The following RPP14 variants were observed in gnomAD, a reference collection of about 807,000 sequenced individuals.
RPP14 encodes the protein ribonuclease P/MRP subunit p14.
RPP14 carries 19 observed loss-of-function variants against 17.8 expected under a neutral mutation model. The ratio of observed to expected loss-of-function variants is 1.07; its 90% CI spans 0.74 to 1.57. The LOEUF is 1.57. Among genes scored for constraint, RPP14 ranks in the 40% most tolerant of loss-of-function variants. RPP14 has a pLI of 0.00. For synonymous variants in RPP14, 60 were observed against 56.4 expected (o/e 1.06, Z -0.29); for missense variants, 125 against 140.8 (o/e 0.89, Z 0.57).
chr3:58,316,673 A>G (rs2107509316), intron 4 of RPP14, 82 bp downstream of exon 4: 2 of 1,301,304 alleles, frequency 1.5e-6, no homozygotes, highest in Non-Finnish European at 2.2e-6. Context: ...GAGAATGAGA[A>G]TAAATTTTTT....
Position 58,317,942 on chromosome 3 carries a change from A to G in RPP14, c.*446A>G, listed in dbSNP as rs967724589. 1.4e-6 allele frequency: 1 copy of G among 702,874 alleles called. No homozygotes were observed. The highest frequency in any genetic ancestry group is 2.0e-5 in the Admixed American group (1 of 49,968). 43.5% of individuals were successfully genotyped at this position (702,874 alleles called of 1,614,324 possible). The stretch of plus-strand genomic sequence containing the variant: ...GGGCCAGGCTGTGTATTTCTTTCCC[A>G]GGAAATTAGCTTTCCAGCCCCTTTA... On this transcript the variant is annotated 3_prime_UTR_variant, in exon 6 of 6. Transcript: ENST00000295959.
chr3:58,314,675 A>ATTTTTTTTTTTTTTTTTTTTTT (rs751757663), intron 3 of RPP14, among the ~76,000 whole-genome samples: 17 of 90,562 alleles, frequency 1.9e-4, no homozygotes, highest in Non-Finnish European at 2.1e-4. Flanking sequence ...GTTTGGCAGT[A>ATTTTTTTTTTTTTTTTTTTTTT]TTTTTTTTTT....
chr3:58,308,000 C>T (rs992510137), intron 1 of RPP14: 6 of 151,990 alleles, frequency 3.9e-5, no homozygotes, highest in Admixed American at 2.6e-4. Flanking sequence ...GTTTTACTGG[C>T]ATCTAAGCCC....
rs776531313 is a variant in RPP14, at chr3:58,310,589, G to A, written c.160G>A (p.Glu54Lys). The change falls in exon 3 of 6, where the codon GAG becomes AAG. Residue 54 changes from glutamate to lysine, a missense_variant and splice_region_variant. Coordinates refer to ENST00000295959, the MANE Select transcript of RPP14 (RefSeq NM_007042.6). ...LISAVKDLFG[E>K]VDAALPLDIL... is the part of the protein sequence containing the mutation. ...TTCGGCTGTGAAGGACCTGTTTGGG[G>A]AGGTATGGAATCACTTGGTAGATTG... 66 of 1,611,152 alleles carry A rather than the reference G, an allele frequency of 4.1e-5. No individual in the cohort carries two copies. Among genetic ancestry groups the A allele is most frequent in the Non-Finnish European group, 4.8e-5 (57 of 1,178,784 alleles).
chr3:58,313,087 C>T (rs903776334), intron 3 of RPP14, among the ~76,000 whole-genome samples: 1 of 151,630 alleles, frequency 6.6e-6, no homozygotes. Context: ...CACGGTGAAA[C>T]CCTGTCTCTA....
chr3:58,306,581 G>C (rs1269459052), intron 1 of RPP14, 164 bp downstream of exon 1: 1 of 152,074 alleles, frequency 6.6e-6, no homozygotes, highest in African/African-American at 2.4e-5. Flanking sequence ...CTCGGCCGCA[G>C]AACGTGGCCG....
intron 1 of RPP14, among the ~76,000 whole-genome samples, chr3:58,307,164 G>A (rs899424416): frequency 2.6e-5 from 4 of 152,210 alleles, no homozygotes; most frequent in Non-Finnish European, 5.9e-5. Flanking sequence ...ATTGAGCGGA[G>A]GGAGAATGGC....
intron 3 of RPP14, among the ~76,000 whole-genome samples, chr3:58,310,928 CA>C (rs35474505): frequency 0.57 from 67,586 of 118,874 alleles, 16,144 homozygotes; most frequent in East Asian, 0.82. Flanking sequence ...GACTCTGTCA[CA>C]AAAAAAAAAA....
At position 58,316,576 on chromosome 3, in the gene RPP14, T is replaced by A; in HGVS notation, c.224T>A (p.Leu75Ter). The A allele has an allele frequency of 6.2e-7, 1 of 1,613,608 alleles. No individual in the cohort carries two copies. Among genetic ancestry groups the A allele is most frequent in the Non-Finnish European group, 8.5e-7 (1 of 1,179,556 alleles). Residue 75 changes from leucine to a stop codon, truncating the protein, a stop_gained, in exon 4 of 6, where the codon TTG becomes TAG. Coordinates refer to ENST00000295959, the MANE Select transcript of RPP14 (RefSeq NM_007042.6). LOFTEE classifies it high-confidence loss of function. ...TYEEKTLSAI[L>*]RICSSGLVKL... The stretch of plus-strand genomic sequence containing the variant: ...GAAGAGAAGACCTTGTCAGCCATCT[T>A]GAGAATATGTAGCAGGTATGACAGA...
chr3:58,317,854 A>G lies in RPP14; in HGVS notation c.*358A>G, dbSNP rs1327201050. On this transcript the variant is annotated 3_prime_UTR_variant, in exon 6 of 6. Transcript: ENST00000295959. ...TGCAAAACACACCAAGTTTGGAAAT[A>G]CAATTGTACATGGAGTTTTGATCAA... The G allele has an allele frequency of 1.4e-6, 1 of 703,068 alleles. No individual in the cohort carries two copies. Among genetic ancestry groups the G allele is most frequent in the East Asian group, 2.7e-5 (1 of 37,290 alleles). The allele number at this position is 703,068 out of a possible 1,614,324, so 43.6% of individuals were successfully genotyped here.
intron 1 of RPP14, among the ~76,000 whole-genome samples, chr3:58,307,323 T>TA (rs2097476431): frequency 6.6e-6 from 1 of 152,132 alleles, no homozygotes; most frequent in Non-Finnish European, 1.5e-5. Context: ...GAGTAGATGT[T>TA]AATAGACTCA....
Position 58,317,886 on chromosome 3 carries a change from TATCTC to T in RPP14, c.*392_*396del, listed in dbSNP as rs1247060652. Reference sequence around the variant, plus strand: ...TACATGGAGTTTTGATCAACGGACTTATCTCAGCTCTCCTAGGAACTAAAATGCCA... The same window carrying T: ...TACATGGAGTTTTGATCAACGGACTTAGCTCTCCTAGGAACTAAAATGCCA... On this transcript the variant is annotated 3_prime_UTR_variant, in exon 6 of 6. Transcript: ENST00000295959. 5 of 702,934 alleles carry T rather than the reference TATCTC, an allele frequency of 7.1e-6. No homozygotes were observed. The highest frequency in any genetic ancestry group is 2.0e-5 in the Admixed American group (1 of 49,994). 43.5% of individuals were successfully genotyped at this position (702,934 alleles called of 1,614,324 possible).
chr3:58,312,343 C>T (rs562545059), intron 3 of RPP14, among the ~76,000 whole-genome samples: 2 of 128,342 alleles, frequency 1.6e-5, no homozygotes, highest in South Asian at 7.1e-4. Context: ...CACCCCCCCC[C>T]GCCCCTCCCG....
At position 58,317,344 on chromosome 3, in the gene RPP14, G is replaced by A; in HGVS notation, c.319-96G>A. 3.7e-6 allele frequency: 3 copies of A among 802,098 alleles called. No homozygotes were observed. In the South Asian group the frequency reaches 5.1e-5, roughly 14 times the overall value. The allele number at this position is 802,098 out of a possible 1,614,324, so 49.7% of individuals were successfully genotyped here. A position where few individuals can be genotyped will look rare whatever the true frequency, so the allele number is the denominator to read the frequency against. On this transcript the variant is annotated intron_variant, in intron 5 of 5. Transcript: ENST00000295959. Reference sequence around the variant, plus strand: ...TGCTCTGTAAAATGCTCCTGCATCAGCTTTGTTTATCCTGTAAAACTGGGC... The same window carrying A: ...TGCTCTGTAAAATGCTCCTGCATCAACTTTGTTTATCCTGTAAAACTGGGC...
intron 3 of RPP14, chr3:58,315,903 C>G (rs1472455211): frequency 2.0e-5 from 3 of 152,188 alleles, no homozygotes; most frequent in African/African-American, 7.2e-5. Context: ...CTCAAACTCC[C>G]AACCTCAGGT....
intron 4 of RPP14, 130 bp from the exon 5 acceptor site, chr3:58,316,785 G>T (rs1385076249): frequency 9.9e-6 from 9 of 909,788 alleles, no homozygotes; most frequent in Non-Finnish European, 1.4e-5. Context: ...TTACGATTTG[G>T]TTACAGCTGT....
At chr3:58,313,001 C>T (rs190558310) in intron 3 of RPP14, among the ~76,000 whole-genome samples, 12 of 141,636 alleles carry the variant, frequency 8.5e-5, no homozygotes, top group African/African-American at 2.6e-4. Flanking sequence ...CGGTAGCTCA[C>T]GCCTGTAATC....
At chr3:58,314,675 A>ATTTTT (rs751757663) in intron 3 of RPP14, among the ~76,000 whole-genome samples, 1,303 of 90,614 alleles carry the variant, frequency 0.014, 47 homozygotes, top group African/African-American at 0.021. Context: ...GTTTGGCAGT[A>ATTTTT]TTTTTTTTTT....
In RPP14 at chr3:58,318,140, C is replaced by G. The variant is rs550447218; in HGVS notation, c.*644C>G. 10 of 622,480 alleles carry G rather than the reference C, an allele frequency of 1.6e-5. No individual in the cohort carries two copies. In the East Asian group the frequency reaches 2.7e-4, roughly 17 times the overall value. The allele number at this position is 622,480 out of a possible 1,614,324, so 38.6% of individuals were successfully genotyped here. A position where few individuals can be genotyped will look rare whatever the true frequency, so the allele number is the denominator to read the frequency against. ...TCCTGAAATAGATGTTTTAAAGATG[C>G]AACCTCAAACACCAATGCTGTTGTT... On this transcript the variant is annotated 3_prime_UTR_variant, in exon 6 of 6. Coordinates refer to ENST00000295959, the MANE Select transcript of RPP14 (RefSeq NM_007042.6).
Sources: gnomAD v4.1 joint callset for allele counts (sites outside exome capture counted in the v4.1 genomes callset) on GRCh38, gnomAD v4.1.1 for gene constraint, MANE v1.5 for transcripts, NCBI Gene and HGNC (gene_info 2026-07-23, HGNC 2026-07-21) for gene names.